INTU: variants seen among roughly 807,000 people sequenced by gnomAD.
INTU encodes protein inturned.
INTU carries 68 observed loss-of-function variants against 100.5 expected under a neutral mutation model. The ratio of observed to expected loss-of-function variants is 0.68; its 90% confidence interval spans 0.56 to 0.83. The LOEUF (loss-of-function observed/expected upper bound fraction) is 0.83. Ranked by LOEUF, INTU falls within the 40% of genes least tolerant of loss-of-function variation. The pLI is 0.00. For missense variants in INTU, 1,071 were observed against 1,114.7 expected, an observed-to-expected ratio of 0.96 and a Z score of 0.56; for synonymous variants, 357 against 395.7, an observed-to-expected ratio of 0.90 and a Z score of 1.16.
chr4:127,649,393 C>T (rs921795113), intron 2 of INTU, among the ~76,000 whole-genome samples: 8 of 152,114 alleles, frequency 5.3e-5, no homozygotes, highest in African/African-American at 9.7e-5. Flanking sequence ...CTCAATGCCT[C>T]GGCTTGTAAG....
chr4:127,649,782 A>G (rs1206137768), intron 2 of INTU, among the ~76,000 whole-genome samples: 1 of 152,134 alleles, frequency 6.6e-6, no homozygotes, highest in Non-Finnish European at 1.5e-5. Flanking sequence ...TGCTTAGAAG[A>G]GTGCCTGGCA....
At chr4:127,675,361 A>T (rs1047763969) in intron 6 of INTU, among the ~76,000 whole-genome samples, 9 of 152,220 alleles carry the variant, frequency 5.9e-5, no homozygotes, top group Non-Finnish European at 8.8e-5. Context: ...TACCAGAAAG[A>T]TGCATTATCT....
Position 127,714,068 on chromosome 4 carries a change from C to T in INTU, c.2692C>T (p.Pro898Ser), listed in dbSNP as rs1731180857. The change falls in exon 15 of 16, where the codon CCA (proline) becomes TCA (serine). Residue 898 changes from proline to serine, a missense_variant. Pro to Ser is a moderately conservative substitution (Grantham distance 74). Coordinates refer to ENST00000335251, the MANE Select transcript of INTU (RefSeq NM_015693.4). ...CTGGACTGATCAGAAAAAAGCACCA[C>T]CAGTTATGGCTTACTGGGTAGTAGG... Reference protein sequence around the residue: ...GNWTDQKKAPPVMAYWVVGRL... With the variant: ...GNWTDQKKAPSVMAYWVVGRL... The T allele has an allele frequency of 6.2e-7, 1 of 1,612,888 alleles. No homozygotes were observed. The highest frequency in any genetic ancestry group is 1.3e-5 in the African/African-American group (1 of 74,896).
intron 1 of INTU, among the ~76,000 whole-genome samples, chr4:127,635,673 G>A (rs1487425856): frequency 6.6e-6 from 1 of 152,094 alleles, no homozygotes; most frequent in Non-Finnish European, 1.5e-5. Context: ...CTTCATTGAA[G>A]GATAATTTAT....
In INTU at chr4:127,680,589, T is replaced by A. The variant is rs1189767123; in HGVS notation, c.1182-3820T>A. Among the ~76,000 whole-genome samples the A allele has an allele frequency of 2.9e-5, 3 of 102,882 alleles. 1 individual carries two copies. The highest frequency in any genetic ancestry group is 6.1e-5 in the Non-Finnish European group (3 of 48,866). 67.5% of individuals were successfully genotyped at this position (102,882 alleles called of 152,430 possible). A position where few individuals can be genotyped will look rare whatever the true frequency, so the allele number is the denominator to read the frequency against. On this transcript the variant is annotated intron_variant, in intron 6 of 15. Transcript: ENST00000335251. ...CTAAAAACTCTCAATAAATTAGGTA[T>A]TGATGGGACGTATCTCAAAATAAGA...
Position 127,656,017 on chromosome 4 carries a change from C to T in INTU, c.683-619C>T, listed in dbSNP as rs556694895. Among the ~76,000 whole-genome samples the T allele has an allele frequency of 2.6e-3, 389 of 152,282 alleles. 3 individuals carry two copies. Among genetic ancestry groups the T allele is most frequent in the African/African-American group, 8.8e-3 (367 of 41,548 alleles). On this transcript the variant is annotated intron_variant, in intron 2 of 15. Coordinates refer to ENST00000335251, the MANE Select transcript of INTU (RefSeq NM_015693.4). Reference sequence around the variant, plus strand: ...GCGTCCGTCACCCCTTTCTTTGACTCGGAAAGGGAACTCCCTGACCCCTTG... The same window carrying T: ...GCGTCCGTCACCCCTTTCTTTGACTTGGAAAGGGAACTCCCTGACCCCTTG...
intron 8 of INTU, among the ~76,000 whole-genome samples, chr4:127,691,962 G>GTATATATATATATATATATATATATA (rs1553982611): frequency 6.3e-4 from 62 of 98,240 alleles, no homozygotes; most frequent in African/African-American, 1.7e-3. Flanking sequence ...TCCATGGTAT[G>GTATATATATATATATATATATATATA]TATATATATA....
rs1731366386 is a variant in INTU at position 127,722,819 on chromosome 4, A to C, written c.*6383A>C. On this transcript the variant is annotated 3_prime_UTR_variant, in exon 16 of 16. Transcript: ENST00000335251. Reference sequence around the variant, plus strand: ...CCCACTTCCAGAACTCAGTCGTCTTAGGCAGTTTCTAGCTGGTGGGGGAGG... The same window carrying C: ...CCCACTTCCAGAACTCAGTCGTCTTCGGCAGTTTCTAGCTGGTGGGGGAGG... The C allele has an allele frequency of 6.6e-6, 1 of 152,218 alleles. No homozygotes were observed. The highest frequency in any genetic ancestry group is 2.4e-5 in the African/African-American group (1 of 41,396). The allele number at this position is 152,218 out of a possible 1,614,324, so 9.4% of individuals were successfully genotyped here.
Position 127,706,691 on chromosome 4 carries a change from C to T in INTU, c.1993C>T (p.Arg665Cys), listed in dbSNP as rs373140548. The T allele has an allele frequency of 6.8e-6, 11 of 1,613,906 alleles. No individual in the cohort carries two copies. Among genetic ancestry groups the T allele is most frequent in the South Asian group, 2.2e-5 (2 of 91,088 alleles). Residue 665 changes from arginine to cysteine, a missense_variant, in exon 12 of 16, where the codon CGT (arginine) becomes TGT (cysteine). Arg to Cys is a radical substitution (Grantham distance 180, BLOSUM62 -3). Transcript: ENST00000335251. The part of the protein sequence containing the change: ...SCADWFLTGS[R>C]EKTDSLTTSP... ...TGCTGACTGGTTCCTTACTGGATCA[C>T]GTGAAAAAACAGATAGCTTGACCAC...
chr4:127,700,001 T>C lies in INTU; in HGVS notation c.1450-9T>C. 1 of 1,565,238 alleles carries C rather than the reference T, an allele frequency of 6.4e-7. No homozygotes were observed. The highest frequency in any genetic ancestry group is 1.7e-4 in the Middle Eastern group (1 of 5,854). On this transcript the variant is annotated splice_polypyrimidine_tract_variant and intron_variant, in intron 8 of 15. Transcript: ENST00000335251. ...TGTTTATGTTACTCTTTTTTTTTTTTTAACATAGATGGAATTAGACATGGC... is the reference window on the plus strand; with the variant it reads ...TGTTTATGTTACTCTTTTTTTTTTTCTAACATAGATGGAATTAGACATGGC...
rs529406440 is a variant in INTU at position 127,718,401 on chromosome 4, T to A, written c.*1965T>A. 6.6e-4 allele frequency: 100 copies of A among 152,324 alleles called. No individual in the cohort carries two copies. The highest frequency in any genetic ancestry group is 2.3e-3 in the African/African-American group (96 of 41,570). The allele number at this position is 152,324 out of a possible 1,614,324, so 9.4% of individuals were successfully genotyped here. ...GTTATTGTACCCTTACAGTACAGTT[T>A]GAAGTTTGGTAGTGTGATGCCTCCA... On this transcript the variant is annotated 3_prime_UTR_variant, in exon 16 of 16. Coordinates refer to ENST00000335251, the MANE Select transcript of INTU (RefSeq NM_015693.4).
Position 127,661,271 on chromosome 4 carries a change from C to CA in INTU, c.769-2107dup, listed in dbSNP as rs1370763757. Among the ~76,000 whole-genome samples the CA allele has an allele frequency of 2.6e-5, 4 of 152,240 alleles. No homozygotes were observed. In the East Asian group the frequency reaches 7.7e-4, roughly 29 times the overall value. ...GTATGTTGTTTTTCACCAAGCATAG[C>CA]AAACCAATCTTAAATTTGAGGTTGT... is the stretch of plus-strand genomic sequence containing the variant. On this transcript the variant is annotated intron_variant, in intron 3 of 15. Coordinates refer to ENST00000335251, the MANE Select transcript of INTU (RefSeq NM_015693.4).
intron 8 of INTU, among the ~76,000 whole-genome samples, chr4:127,689,302 ATAAAAAAC>A (rs1729996284): frequency 6.6e-6 from 1 of 152,054 alleles, no homozygotes. Flanking sequence ...CTTAAATTGT[ATAAAAAAC>A]TAAGAAGTAT....
At position 127,632,966 on chromosome 4, in the gene INTU, A is replaced by T. The variant is rs1003266645; in HGVS notation, c.-69A>T. On this transcript the variant is annotated 5_prime_UTR_variant, in exon 1 of 16. The change abolishes an upstream ATG in the 5' untranslated region. Coordinates refer to ENST00000335251, the MANE Select transcript of INTU (RefSeq NM_015693.4). ...CTGCCCCTTCCCAAGCAGAGGCAAC[A>T]TGGCGGCCTTAGCAAGCTATAGCTG... The T allele has an allele frequency of 9.9e-6, 15 of 1,512,438 alleles. No individual in the cohort carries two copies. The African/African-American group carries it at 1.8e-4, about 18-fold the overall frequency. 93.7% of individuals were successfully genotyped at this position (1,512,438 alleles called of 1,614,324 possible). A position where few individuals can be genotyped will look rare whatever the true frequency, so the allele number is the denominator to read the frequency against.
chr4:127,661,661 T>C (rs1728482659), intron 3 of INTU, among the ~76,000 whole-genome samples: 1 of 152,156 alleles, frequency 6.6e-6, no homozygotes, highest in South Asian at 2.1e-4. Context: ...AGAGCTCCCA[T>C]CTATCTGTCA....
intron 4 of INTU, among the ~76,000 whole-genome samples, chr4:127,667,292 T>C (rs533871069): frequency 1.3e-5 from 2 of 152,244 alleles, no homozygotes; most frequent in African/African-American, 4.8e-5. Flanking sequence ...TTTATTCTTA[T>C]TGAACAGAGT....
At chr4:127,661,499 C>T (rs1728475246) in intron 3 of INTU, among the ~76,000 whole-genome samples, 1 of 152,156 alleles carries the variant, frequency 6.6e-6, no homozygotes, top group Admixed American at 6.6e-5. Flanking sequence ...GCACAACTCT[C>T]ATAGACACTC....
At chr4:127,665,977 C>G (rs974803750) in intron 4 of INTU, among the ~76,000 whole-genome samples, 2 of 152,026 alleles carry the variant, frequency 1.3e-5, no homozygotes, top group African/African-American at 4.8e-5. Context: ...AAGATAGTAT[C>G]CCTTTGTCTT....
At chr4:127,704,773 A>C (rs1730803218) in intron 10 of INTU, among the ~76,000 whole-genome samples, 1 of 152,094 alleles carries the variant, frequency 6.6e-6, no homozygotes, top group Non-Finnish European at 1.5e-5. Context: ...TTCCTTTTGA[A>C]AGAGTGTATT....
Sources: gnomAD v4.1 joint callset for allele counts (sites outside exome capture counted in the v4.1 genomes callset) on GRCh38, gnomAD v4.1.1 for gene constraint, MANE v1.5 for transcripts, NCBI Gene and HGNC (gene_info 2026-07-23, HGNC 2026-07-21) for gene names.